CHAF1A: variants seen among roughly 807,000 people sequenced by gnomAD.
CHAF1A encodes CAF-1 subunit A.
Under a neutral mutation model 93.2 loss-of-function variants are expected in CHAF1A, and 5 were observed. The observed-to-expected ratio is 0.05, with a 90% CI of 0.03 to 0.11. The LOEUF (loss-of-function observed/expected upper bound fraction) is 0.11. Ranked by LOEUF, CHAF1A falls within the 10% of genes least tolerant of loss-of-function variation. The pLI is 1.00. For synonymous variants in CHAF1A, 504 were observed against 510.3 expected, an observed-to-expected ratio of 0.99 and a Z score of 0.17; for missense variants, 1,102 against 1,259.9, an observed-to-expected ratio of 0.87 and a Z score of 1.90.
At chr19:4,440,430 C>T (rs1403090608) in intron 13 of CHAF1A, among the ~76,000 whole-genome samples, 1 of 151,364 alleles carries the variant, frequency 6.6e-6, no homozygotes, top group Non-Finnish European at 1.5e-5. Context: ...CATAGTGACA[C>T]CCCCTTGTCT....
At chr19:4,411,670 C>T (rs1405034045) in intron 3 of CHAF1A, among the ~76,000 whole-genome samples, 5 of 16,860 alleles carry the variant, frequency 3.0e-4, no homozygotes, top group Non-Finnish European at 6.1e-4. Flanking sequence ...TTTTTTGAGA[C>T]ATGGTCTCAC....
intron 3 of CHAF1A, among the ~76,000 whole-genome samples, chr19:4,412,027 C>T (rs1261541622): frequency 6.6e-6 from 1 of 152,090 alleles, no homozygotes; most frequent in East Asian, 1.9e-4. Context: ...ATTATTTTAT[C>T]ACTCAGGTAC....
downstream of CHAF1A, chr19:4,448,300 A>G (rs754963132): frequency 3.8e-6 from 6 of 1,591,208 alleles, no homozygotes; most frequent in South Asian, 5.7e-5. Flanking sequence ...AGGCAGGGCA[A>G]AGGGGCCACA....
chr19:4,446,506 C>G (rs375118398), downstream of CHAF1A: 11 of 1,608,086 alleles, frequency 6.8e-6, no homozygotes, highest in African/African-American at 8.0e-5. Flanking sequence ...CCACCTGAGC[C>G]TCTGCTCCCG....
At chr19:4,413,095 C>G (rs1003875417) in intron 3 of CHAF1A, among the ~76,000 whole-genome samples, 2 of 151,836 alleles carry the variant, frequency 1.3e-5, no homozygotes. Flanking sequence ...TTTTTTGAGG[C>G]GGAATCTCAC....
At chr19:4,448,038 G>C (rs1260897937), downstream of CHAF1A, 3 of 544,004 alleles carry the variant, frequency 5.5e-6, no homozygotes, top group Non-Finnish European at 9.9e-6. Context: ...CCGGGGAGTG[G>C]GGTGGGACCC....
downstream of CHAF1A, chr19:4,448,167 C>T (rs950233330): frequency 4.4e-6 from 3 of 686,812 alleles, no homozygotes; most frequent in Non-Finnish European, 5.0e-6. Flanking sequence ...TGCCTGAGGC[C>T]TCTGGGTGGA....
chr19:4,446,090 G>C, downstream of CHAF1A: 1 of 1,612,766 alleles, frequency 6.2e-7, no homozygotes, highest in Middle Eastern at 1.7e-4. Flanking sequence ...TCCTCGGACA[G>C]CTTCTGCCCT....
At chr19:4,413,133 C>T (rs1444370952) in intron 3 of CHAF1A, among the ~76,000 whole-genome samples, 2 of 152,146 alleles carry the variant, frequency 1.3e-5, no homozygotes, top group East Asian at 1.9e-4. Flanking sequence ...AGTGCAATGG[C>T]GTGATCTTGG....
At chr19:4,431,267 T>G (rs145855460) in intron 11 of CHAF1A, among the ~76,000 whole-genome samples, 1 of 152,052 alleles carries the variant, frequency 6.6e-6, no homozygotes, top group African/African-American at 2.4e-5. Flanking sequence ...TAGCTGGGAC[T>G]ACAGGCGTGT....
intron 14 of CHAF1A, 76 bp downstream of exon 14, chr19:4,442,417 G>A: frequency 3.2e-6 from 4 of 1,235,914 alleles, no homozygotes; most frequent in Non-Finnish European, 4.6e-6. Flanking sequence ...GAAGGGATGG[G>A]GCTGCCTAAG....
chr19:4,448,418 GGGA>G, downstream of CHAF1A: 2 of 1,603,276 alleles, frequency 1.2e-6, no homozygotes, highest in Non-Finnish European at 1.7e-6. Flanking sequence ...GAGAAGTGCT[GGGA>G]GGAGGGAAGC....
At position 4,443,279 on chromosome 19, in the gene CHAF1A, G is replaced by A; in HGVS notation, c.*254G>A. 2.1e-6 allele frequency: 1 copy of A among 473,858 alleles called. No individual in the cohort carries two copies. Among genetic ancestry groups the A allele is most frequent in the Non-Finnish European group, 3.9e-6 (1 of 257,238 alleles). 29.4% of individuals were successfully genotyped at this position (473,858 alleles called of 1,614,324 possible). Reference sequence around the variant, plus strand: ...CTATTGGGGAAGCCTGCGGGCACAGGAGCAGGCGTGGAATCCAATACTTGT... The same window carrying A: ...CTATTGGGGAAGCCTGCGGGCACAGAAGCAGGCGTGGAATCCAATACTTGT... On this transcript the variant is annotated 3_prime_UTR_variant, in exon 15 of 15. Coordinates refer to ENST00000301280, the MANE Select transcript of CHAF1A (RefSeq NM_005483.3).
Position 4,422,938 on chromosome 19 carries a change from T to A in CHAF1A, c.1247+143T>A. ...CCATTTCTCCTTCGTGAGGTGCCCGTGGGGCCCTGACGTGGGAGCGGTGGA... is the reference window on the plus strand; with the variant it reads ...CCATTTCTCCTTCGTGAGGTGCCCGAGGGGCCCTGACGTGGGAGCGGTGGA... On this transcript the variant is annotated intron_variant, in intron 5 of 14. Transcript: ENST00000301280. The surrounding 1 kb of genome is among the most constrained non-coding windows in gnomAD (Gnocchi z 4.6). The A allele has an allele frequency of 1.2e-6, 1 of 817,584 alleles. No homozygotes were observed. Among genetic ancestry groups the A allele is most frequent in the Non-Finnish European group, 1.9e-6 (1 of 518,988 alleles). The allele number at this position is 817,584 out of a possible 1,614,324, so 50.6% of individuals were successfully genotyped here. A position where few individuals can be genotyped will look rare whatever the true frequency, so the allele number is the denominator to read the frequency against.
chr19:4,445,807 C>G (rs1974498539), downstream of CHAF1A: 1 of 1,105,680 alleles, frequency 9.0e-7, no homozygotes, highest in South Asian at 1.6e-5. Flanking sequence ...AAGCCTAAAC[C>G]TACTGCACTA....
chr19:4,425,359 T>C (rs990951448), intron 7 of CHAF1A, among the ~76,000 whole-genome samples: 2 of 152,042 alleles, frequency 1.3e-5, no homozygotes, highest in African/African-American at 4.8e-5. Context: ...TTCAAGCAAT[T>C]CTTCTACCTC....
chr19:4,408,651 T>A (rs1317850005), intron 2 of CHAF1A, among the ~76,000 whole-genome samples: 1 of 151,378 alleles, frequency 6.6e-6, no homozygotes, highest in African/African-American at 2.4e-5. Flanking sequence ...ATTTTTGTAG[T>A]TTTAGAAAAG....
chr19:4,425,912 C>T (rs1054085317), intron 7 of CHAF1A, among the ~76,000 whole-genome samples: 1 of 152,148 alleles, frequency 6.6e-6, no homozygotes, highest in Admixed American at 6.6e-5. Context: ...TTAACTTTGC[C>T]AGTCTGATGG....
At chr19:4,449,971 T>G (rs1022203252), downstream of CHAF1A, 1 of 152,238 alleles carries the variant, frequency 6.6e-6, no homozygotes, top group African/African-American at 2.4e-5. Flanking sequence ...GGCTCATGCC[T>G]GGAATCCCAG....
Sources: gnomAD v4.1 joint callset for allele counts (sites outside exome capture counted in the v4.1 genomes callset) on GRCh38, gnomAD v4.1.1 for gene constraint, Gnocchi (gnomAD v3.1) non-coding constraint, MANE v1.5 for transcripts, NCBI Gene and HGNC (gene_info 2026-07-23, HGNC 2026-07-21) for gene names.